The following ANKMY2 variants were observed in gnomAD, a reference collection of about 807,000 sequenced individuals.
The protein encoded by ANKMY2 is ankyrin repeat and MYND domain containing 2, also known as ankyrin repeat and MYND domain-containing protein 2.
ANKMY2 carries 36 observed loss-of-function variants against 50.4 expected under a neutral mutation model. The observed-to-expected ratio is 0.71, with a 90% CI of 0.55 to 0.94. ANKMY2 has a LOEUF of 0.94. Among genes scored for constraint, ANKMY2 ranks in the 40% least tolerant of loss-of-function variants. The probability of loss-of-function intolerance (pLI) is 0.00; values close to 1 mark genes in which losing one functional copy is unlikely to be tolerated. For missense variants in ANKMY2, 565 were observed against 524.0 expected, an observed-to-expected ratio of 1.08 and a Z score of -0.76; for synonymous variants, 187 against 178.8, an observed-to-expected ratio of 1.05 and a Z score of -0.36.
At chr7:16,641,363 AT>A (rs1250160176) in intron 1 of ANKMY2, among the ~76,000 whole-genome samples, 13 of 152,242 alleles carry the variant, frequency 8.5e-5, no homozygotes, top group African/African-American at 2.9e-4. Context: ...TTGTAAAAAA[AT>A]GATCTTAAAT....
At chr7:16,609,492 C>T in intron 7 of ANKMY2, 138 bp downstream of exon 7, 1 of 992,222 alleles carries the variant, frequency 1.0e-6, no homozygotes, top group Non-Finnish European at 1.4e-6. Flanking sequence ...GTTTGGCAGG[C>T]AAACCTATCT....
At chr7:16,616,921 C>T (rs10264878) in intron 4 of ANKMY2, among the ~76,000 whole-genome samples, 121,125 of 152,168 alleles carry the variant, frequency 0.8, 48,425 homozygotes, top group Admixed American at 0.84. Context: ...TGGACGCTGG[C>T]GCTTGAGGCT....
chr7:16,621,373 T>C (rs1196563077), intron 4 of ANKMY2, among the ~76,000 whole-genome samples: 2 of 152,204 alleles, frequency 1.3e-5, no homozygotes, highest in African/African-American at 4.8e-5. Flanking sequence ...CCTAACCTCA[T>C]ACAAATGTTA....
Position 16,637,751 on chromosome 7 carries a change from C to T in ANKMY2, c.68-1296G>A, listed in dbSNP as rs555193850. 2.6e-5 allele frequency among the ~76,000 whole-genome samples: 4 copies of T among 152,306 alleles called. No individual in the cohort carries two copies. The East Asian group carries it at 5.8e-4, about 22-fold the overall frequency. ...AAGAATAAAACCAGAACAAAAACCC[C>T]GCACCCCAGTTTCTCTTGAGGAAGA... On this transcript the variant is annotated intron_variant, in intron 1 of 9. Transcript: ENST00000306999.
intron 4 of ANKMY2, among the ~76,000 whole-genome samples, chr7:16,618,942 A>T (rs1781396321): frequency 6.6e-6 from 1 of 152,232 alleles, no homozygotes; most frequent in Non-Finnish European, 1.5e-5. Context: ...AAGTTCCAAA[A>T]TAGCTCATCA....
intron 4 of ANKMY2, among the ~76,000 whole-genome samples, chr7:16,622,679 G>A (rs980856538): frequency 2.0e-5 from 3 of 152,008 alleles, no homozygotes; most frequent in Admixed American, 6.5e-5. Context: ...GGCGGAGGTT[G>A]CAATGAGCTG....
chr7:16,615,781 T>C lies in ANKMY2; in HGVS notation c.494A>G (p.His165Arg), dbSNP rs1583672919. The change falls in exon 5 of 10, where the codon CAC becomes CGC. Residue 165 changes from histidine (H) to arginine (R), a missense_variant. By Grantham distance (29) the His-to-Arg change is conservative. Coordinates refer to ENST00000306999, the MANE Select transcript of ANKMY2 (RefSeq NM_020319.3). ...AAGATTCGTTGTGGTGATAATTTTG[T>C]GCAGCGGGCCTGCCAACTTTGGGGG... is the stretch of plus-strand genomic sequence containing the variant. The part of the protein sequence containing the change: ...KLPPKLAGPL[H>R]KIITTTNLHP... The C allele has an allele frequency of 2.5e-6, 4 of 1,614,240 alleles. No homozygotes were observed. The highest frequency in any genetic ancestry group is 4.5e-5 in the East Asian group (2 of 44,884).
chr7:16,641,765 T>C (rs1583687466), intron 1 of ANKMY2, among the ~76,000 whole-genome samples: 1 of 152,150 alleles, frequency 6.6e-6, no homozygotes, highest in South Asian at 2.1e-4. Flanking sequence ...AAAATCATAA[T>C]GTTGAATGAA....
At chr7:16,619,414 A>C (rs1195212428) in intron 4 of ANKMY2, among the ~76,000 whole-genome samples, 1 of 152,154 alleles carries the variant, frequency 6.6e-6, no homozygotes, top group African/African-American at 2.4e-5. Context: ...TTGGCCTCCC[A>C]AAGTGCTGGG....
chr7:16,633,335 T>G (rs1416029559), intron 2 of ANKMY2, among the ~76,000 whole-genome samples: 1 of 152,100 alleles, frequency 6.6e-6, no homozygotes, highest in African/African-American at 2.4e-5. Context: ...TTCTAAATCA[T>G]TTCTTTTTTT....
chr7:16,643,687 CAATTTATAAA>C (rs1228286682), intron 1 of ANKMY2, among the ~76,000 whole-genome samples: 5 of 151,992 alleles, frequency 3.3e-5, no homozygotes, highest in Admixed American at 1.3e-4. Context: ...CTCAAAGACT[CAATTTATAAA>C]ACTGCTCACT....
intron 2 of ANKMY2, among the ~76,000 whole-genome samples, chr7:16,629,302 G>T (rs1462603247): frequency 1.3e-5 from 2 of 152,176 alleles, no homozygotes; most frequent in African/African-American, 4.8e-5. Context: ...TTGGGAGGCT[G>T]AGGTGGGCAG....
chr7:16,645,639 T>C lies in ANKMY2; in HGVS notation c.-66A>G, dbSNP rs1781829482. On this transcript the variant is annotated 5_prime_UTR_variant, in exon 1 of 10. In the 5' UTR this introduces an upstream ATG that the reference lacks. Coordinates refer to ENST00000306999, the MANE Select transcript of ANKMY2 (RefSeq NM_020319.3). ...TATTAAAAAAGAAACGATGCGTCTGTATTGGGAACGCCAGCCGCAATGAGG... is the reference window on the plus strand; with the variant it reads ...TATTAAAAAAGAAACGATGCGTCTGCATTGGGAACGCCAGCCGCAATGAGG... The C allele has an allele frequency of 1.3e-6, 2 of 1,540,846 alleles. No individual in the cohort carries two copies. Among genetic ancestry groups the C allele is most frequent in the Admixed American group, 2.0e-5 (1 of 50,370 alleles).
chr7:16,611,136 C>A (rs1030152214), intron 5 of ANKMY2, among the ~76,000 whole-genome samples: 2 of 152,148 alleles, frequency 1.3e-5, no homozygotes, highest in African/African-American at 2.4e-5. Flanking sequence ...TGAGCAATAA[C>A]CACTTTTAGT....
At chr7:16,625,332 T>C (rs1781493897) in intron 3 of ANKMY2, among the ~76,000 whole-genome samples, 1 of 152,202 alleles carries the variant, frequency 6.6e-6, no homozygotes, top group Non-Finnish European at 1.5e-5. Context: ...AATACTGCCT[T>C]TTTAAACAAA....
At chr7:16,644,770 G>C (rs1456687330) in intron 1 of ANKMY2, 3 of 468,532 alleles carry the variant, frequency 6.4e-6, no homozygotes, top group Non-Finnish European at 1.3e-5. Flanking sequence ...GCTCGTCCTC[G>C]GGGCTCCCCG....
Position 16,625,018 on chromosome 7 carries a change from A to T in ANKMY2, c.335T>A (p.Val112Glu). 6 of 1,614,134 alleles carry T rather than the reference A, an allele frequency of 3.7e-6. No homozygotes were observed. The highest frequency in any genetic ancestry group is 5.1e-6 in the Non-Finnish European group (6 of 1,180,004). Residue 112 changes from valine to glutamate, a missense_variant, in exon 4 of 10, where the codon GTG (valine) becomes GAG (glutamate). Physicochemically the swap from Val to Glu is moderately radical, Grantham distance 121. Transcript: ENST00000306999. ...AGAETDVVNS[V>E]GRTAAQMAAF... ...TGCCATCTGAGCTGCTGTTCTTCCC[A>T]CAGAGTTGACAACATCTGTCTCAGC...
intron 7 of ANKMY2, among the ~76,000 whole-genome samples, chr7:16,608,538 G>A (rs1261055945): frequency 6.6e-6 from 1 of 152,148 alleles, no homozygotes; most frequent in African/African-American, 2.4e-5. Flanking sequence ...ACAACCCAGA[G>A]AGAAGGCACA....
At chr7:16,644,625 C>T (rs1303315729) in intron 1 of ANKMY2, 1 of 455,868 alleles carries the variant, frequency 2.2e-6, no homozygotes, top group Non-Finnish European at 4.5e-6. Flanking sequence ...CGGAGTCGCA[C>T]GCATCACCAT....
Sources: allele counts gnomAD v4.1 joint callset (sites outside exome capture counted in the v4.1 genomes callset), GRCh38; gene constraint gnomAD v4.1.1; transcripts MANE v1.5; gene names NCBI Gene and HGNC (gene_info 2026-07-23, HGNC 2026-07-21).